NKAIN2: variants seen among roughly 807,000 people sequenced by gnomAD.
NKAIN2 encodes sodium/potassium-transporting ATPase subunit beta-1-interacting protein 2.
Under a neutral mutation model 32.6 loss-of-function variants are expected in NKAIN2, and 14 were observed. The observed-to-expected ratio is 0.43, with a 90% CI of 0.28 to 0.67. The LOEUF (loss-of-function observed/expected upper bound fraction) is 0.67, where lower values mean the gene tolerates loss of function less well. Among genes scored for constraint, NKAIN2 ranks in the 30% least tolerant of loss-of-function variants. The pLI, the probability that NKAIN2 is intolerant of heterozygous loss-of-function variation, is 0.17. For synonymous variants in NKAIN2, 80 were observed against 87.2 expected (o/e 0.92, Z 0.46); for missense variants, 198 against 258.3 (o/e 0.77, Z 1.60).
intron 1 of NKAIN2, among the ~76,000 whole-genome samples, chr6:124,023,006 T>G (rs564597552): frequency 6.6e-6 from 1 of 151,986 alleles, no homozygotes; most frequent in Admixed American, 6.6e-5. Context: ...AACTTTTCGG[T>G]TAAAGATTAT....
At chr6:124,711,492 A>G (rs1472285732) in intron 4 of NKAIN2, among the ~76,000 whole-genome samples, 1 of 151,004 alleles carries the variant, frequency 6.6e-6, no homozygotes, top group Non-Finnish European at 1.5e-5. Flanking sequence ...ACATAGTCCC[A>G]TATGTCTTGG....
intron 1 of NKAIN2, among the ~76,000 whole-genome samples, chr6:123,961,370 G>A (rs950565790): frequency 2.0e-5 from 3 of 152,042 alleles, no homozygotes; most frequent in Non-Finnish European, 4.4e-5. Flanking sequence ...CGTGTTCATG[G>A]GCTAGAAAAA....
chr6:124,101,260 C>T (rs2114949444), intron 1 of NKAIN2, among the ~76,000 whole-genome samples: 2 of 152,230 alleles, frequency 1.3e-5, no homozygotes, highest in Middle Eastern at 6.8e-3. Context: ...TGATTATTAT[C>T]CCTGAAAGTT....
intron 2 of NKAIN2, among the ~76,000 whole-genome samples, chr6:124,349,785 T>C (rs1277429278): frequency 6.6e-6 from 1 of 152,226 alleles, no homozygotes; most frequent in African/African-American, 2.4e-5. Flanking sequence ...AACTAATTTT[T>C]ATCTTATATA....
At chr6:124,396,805 T>G (rs1269531823) in intron 3 of NKAIN2, among the ~76,000 whole-genome samples, 2 of 152,202 alleles carry the variant, frequency 1.3e-5, no homozygotes, top group Non-Finnish European at 2.9e-5. Context: ...TCAAAGATAG[T>G]GGCATTTCCC....
At chr6:124,104,580 A>G (rs577474832) in intron 1 of NKAIN2, among the ~76,000 whole-genome samples, 2 of 152,280 alleles carry the variant, frequency 1.3e-5, no homozygotes, top group East Asian at 3.9e-4. Context: ...AATGCAATAT[A>G]CACACACACA....
At chr6:124,719,853 CA>C (rs894264343) in intron 4 of NKAIN2, among the ~76,000 whole-genome samples, 5 of 151,916 alleles carry the variant, frequency 3.3e-5, no homozygotes, top group Non-Finnish European at 7.4e-5. Context: ...AAAATTAAGC[CA>C]ATTTAGAAAT....
intron 1 of NKAIN2, among the ~76,000 whole-genome samples, chr6:124,012,118 GTA>G (rs1780359410): frequency 2.0e-5 from 3 of 151,956 alleles, no homozygotes; most frequent in Admixed American, 2.0e-4. Context: ...TCTTATGTAT[GTA>G]TATAGCATGA....
chr6:124,090,910 A>G (rs1026782718), intron 1 of NKAIN2, among the ~76,000 whole-genome samples: 2 of 152,024 alleles, frequency 1.3e-5, no homozygotes, highest in East Asian at 1.9e-4. Flanking sequence ...TGCTGGGCCC[A>G]TAGGAAGCTA....
intron 1 of NKAIN2, among the ~76,000 whole-genome samples, chr6:124,130,856 T>A (rs1001010232): frequency 2.0e-5 from 3 of 152,130 alleles, no homozygotes; most frequent in African/African-American, 4.8e-5. Flanking sequence ...ATATAGGGGA[T>A]CCCATCTGGG....
At chr6:123,937,816 T>C (rs554706914) in intron 1 of NKAIN2, among the ~76,000 whole-genome samples, 54 of 152,218 alleles carry the variant, frequency 3.5e-4, no homozygotes, top group African/African-American at 1.3e-3. Context: ...TCAGTTAATC[T>C]TGACAGTACT....
chr6:124,264,925 C>T (rs1461394575), intron 1 of NKAIN2, among the ~76,000 whole-genome samples: 1 of 152,118 alleles, frequency 6.6e-6, no homozygotes, highest in Non-Finnish European at 1.5e-5. Context: ...AAGTCATTTA[C>T]AATTGATATC....
chr6:124,796,532 G>T (rs1222489926), intron 5 of NKAIN2, among the ~76,000 whole-genome samples: 1 of 152,074 alleles, frequency 6.6e-6, no homozygotes, highest in Non-Finnish European at 1.5e-5. Flanking sequence ...CAGCTCACTG[G>T]CCCATCAGAT....
chr6:124,530,479 A>G (rs1329223398), intron 3 of NKAIN2, among the ~76,000 whole-genome samples: 1 of 152,174 alleles, frequency 6.6e-6, no homozygotes, highest in Non-Finnish European at 1.5e-5. Flanking sequence ...AATGGGAGGC[A>G]GGAGAGGTAG....
chr6:124,822,701 A>G (rs1487606581), intron 6 of NKAIN2, among the ~76,000 whole-genome samples: 1 of 152,152 alleles, frequency 6.6e-6, no homozygotes, highest in Admixed American at 6.5e-5. Context: ...CATGTTGTTG[A>G]AACAAATCAA....
At chr6:124,117,854 A>G (rs928718669) in intron 1 of NKAIN2, among the ~76,000 whole-genome samples, 2 of 151,466 alleles carry the variant, frequency 1.3e-5, no homozygotes, top group Admixed American at 1.3e-4. Flanking sequence ...TCATTATAAC[A>G]TCACATTGAG....
At chr6:124,602,165 T>C (rs1326628315) in intron 3 of NKAIN2, among the ~76,000 whole-genome samples, 1 of 151,994 alleles carries the variant, frequency 6.6e-6, no homozygotes, top group African/African-American at 2.4e-5. Flanking sequence ...ATGAAGGGAA[T>C]ATAGTGGCCT....
intron 3 of NKAIN2, among the ~76,000 whole-genome samples, chr6:124,492,895 G>C (rs913013779): frequency 6.6e-6 from 1 of 151,656 alleles, no homozygotes; most frequent in African/African-American, 2.4e-5. Flanking sequence ...TGGTTTTTTT[G>C]GAAACAGCAC....
chr6:124,144,619 A>G (rs1027269753), intron 1 of NKAIN2, among the ~76,000 whole-genome samples: 5 of 152,226 alleles, frequency 3.3e-5, no homozygotes, highest in Admixed American at 2.6e-4. Flanking sequence ...AATAACGGTC[A>G]TTAAAAGTTA....
Sources: allele counts gnomAD v4.1 joint callset (sites outside exome capture counted in the v4.1 genomes callset), GRCh38; gene constraint gnomAD v4.1.1; transcripts MANE v1.5; gene names NCBI Gene and HGNC (gene_info 2026-07-23, HGNC 2026-07-21).